FOXJ3: variants seen among roughly 807,000 people sequenced by gnomAD.
FOXJ3 encodes the protein forkhead box J3.
Under a neutral mutation model 76.1 loss-of-function variants are expected in FOXJ3, and 22 were observed. The observed-to-expected ratio is 0.29, with a 90% CI of 0.21 to 0.41. FOXJ3 has a LOEUF of 0.41. Ranked by LOEUF, FOXJ3 falls within the 10% of genes least tolerant of loss-of-function variation. FOXJ3 has a pLI of 1.00. For synonymous variants in FOXJ3, 269 were observed against 261.2 expected, an observed-to-expected ratio of 1.03 and a Z score of -0.29; for missense variants, 613 against 762.1, an observed-to-expected ratio of 0.80 and a Z score of 2.30.
intron 2 of FOXJ3, among the ~76,000 whole-genome samples, chr1:42,296,332 G>A (rs1303485231): frequency 6.6e-6 from 1 of 152,132 alleles, no homozygotes; most frequent in Non-Finnish European, 1.5e-5. Context: ...GTTTAATTAA[G>A]TCTCATTTGT....
chr1:42,237,685 T>C (rs1380796703), intron 4 of FOXJ3, among the ~76,000 whole-genome samples: 1 of 151,906 alleles, frequency 6.6e-6, no homozygotes, highest in Non-Finnish European at 1.5e-5. Context: ...ATATCTTTTT[T>C]TTTAAATTTG....
rs137887127 is a variant in FOXJ3, at chr1:42,196,672, G to A, written c.760-1608C>T. Among the ~76,000 whole-genome samples, 10 of 152,280 alleles carry A rather than the reference G, an allele frequency of 6.6e-5. No individual in the cohort carries two copies. In the East Asian group the frequency reaches 1.7e-3, roughly 26 times the overall value. ...CACACCATTGCACTTCAGTCTGGGC[G>A]ACAGAGAGAGACTCCATCTCAAAAA... On this transcript the variant is annotated intron_variant, in intron 7 of 12. Coordinates refer to ENST00000361346, the MANE Select transcript of FOXJ3 (RefSeq NM_014947.5).
chr1:42,204,687 C>T (rs1646826796), intron 6 of FOXJ3, among the ~76,000 whole-genome samples: 1 of 152,046 alleles, frequency 6.6e-6, no homozygotes, highest in Non-Finnish European at 1.5e-5. Flanking sequence ...CCTGGGATTA[C>T]CACCACTACC....
intron 3 of FOXJ3, among the ~76,000 whole-genome samples, chr1:42,269,989 C>G (rs1651752317): frequency 6.6e-6 from 1 of 152,150 alleles, no homozygotes; most frequent in African/African-American, 2.4e-5. Context: ...TACCCCTTAA[C>G]TTAAAAACTT....
At chr1:42,299,387 AT>A (rs992326574) in intron 2 of FOXJ3, among the ~76,000 whole-genome samples, 52 of 129,064 alleles carry the variant, frequency 4.0e-4, no homozygotes, top group African/African-American at 1.5e-3. Context: ...TTTTACTGTT[AT>A]TGGTTTGAAG....
chr1:42,187,791 T>C (rs1463359434), intron 11 of FOXJ3, among the ~76,000 whole-genome samples: 1 of 152,246 alleles, frequency 6.6e-6, no homozygotes, highest in Non-Finnish European at 1.5e-5. Flanking sequence ...TGTAATTTAC[T>C]GAATGAATAG....
At chr1:42,198,725 G>C (rs983638748) in intron 7 of FOXJ3, among the ~76,000 whole-genome samples, 1 of 152,154 alleles carries the variant, frequency 6.6e-6, no homozygotes, top group African/African-American at 2.4e-5. Flanking sequence ...TCCCTTCTCA[G>C]ATCTACAGCT....
intron 4 of FOXJ3, among the ~76,000 whole-genome samples, chr1:42,239,293 G>C (rs557108972): frequency 6.0e-5 from 9 of 150,136 alleles, no homozygotes; most frequent in African/African-American, 2.3e-4. Context: ...ACAGGATTTT[G>C]AATAAAAGTG....
chr1:42,316,336 T>TTTTTTTTTTG (rs1655108399), intron 1 of FOXJ3, among the ~76,000 whole-genome samples: 7 of 130,830 alleles, frequency 5.4e-5, no homozygotes, highest in African/African-American at 1.9e-4. Flanking sequence ...ATTGGGCCTT[T>TTTTTTTTTTG]TTTTTTTTTT....
At chr1:42,245,600 G>A (rs1649488363) in intron 4 of FOXJ3, among the ~76,000 whole-genome samples, 1 of 152,060 alleles carries the variant, frequency 6.6e-6, no homozygotes, top group South Asian at 2.1e-4. Flanking sequence ...TACGGAAAAA[G>A]CATTTGATAA....
chr1:42,240,956 G>T (rs180741409), intron 4 of FOXJ3, among the ~76,000 whole-genome samples: 1 of 152,292 alleles, frequency 6.6e-6, no homozygotes, highest in East Asian at 1.9e-4. Flanking sequence ...ATAGCAAGCA[G>T]ATAATCACAT....
chr1:42,322,931 G>GTT (rs1391584731), intron 1 of FOXJ3, among the ~76,000 whole-genome samples: 1 of 152,090 alleles, frequency 6.6e-6, no homozygotes, highest in Non-Finnish European at 1.5e-5. Context: ...TATTCTGAGG[G>GTT]TTTTTCGTTT....
At chr1:42,185,392 G>A (rs1343484113) in intron 11 of FOXJ3, among the ~76,000 whole-genome samples, 1 of 151,228 alleles carries the variant, frequency 6.6e-6, no homozygotes, top group African/African-American at 2.4e-5. Flanking sequence ...TGAGTAGCCG[G>A]GACTACAGGC....
At chr1:42,218,697 T>C (rs937123808) in intron 5 of FOXJ3, among the ~76,000 whole-genome samples, 1 of 152,218 alleles carries the variant, frequency 6.6e-6, no homozygotes, top group African/African-American at 2.4e-5. Flanking sequence ...ATCATGTCAC[T>C]ACTCTATTCA....
chr1:42,326,744 T>C lies in FOXJ3; in HGVS notation c.-18+8315A>G, dbSNP rs533984908. ...TTAACAAGGGGAGAAACCGCTCCCA[T>C]TGGTTTTATGTACTCTAAGTCTGAT... On this transcript the variant is annotated intron_variant, in intron 1 of 12. Transcript: ENST00000361346. Among the ~76,000 whole-genome samples the C allele has an allele frequency of 3.9e-5, 6 of 152,330 alleles. No homozygotes were observed. The East Asian group carries it at 7.7e-4, about 20-fold the overall frequency.
intron 2 of FOXJ3, among the ~76,000 whole-genome samples, chr1:42,287,371 TA>T (rs1047122127): frequency 6.6e-6 from 1 of 152,070 alleles, no homozygotes; most frequent in Non-Finnish European, 1.5e-5. Context: ...CAAGCTGATC[TA>T]AATTACCCTT....
chr1:42,192,695 T>A (rs980139755), intron 8 of FOXJ3, among the ~76,000 whole-genome samples: 1 of 152,200 alleles, frequency 6.6e-6, no homozygotes, highest in African/African-American at 2.4e-5. Context: ...ACTAGACTAT[T>A]TTCAAATCCT....
upstream of FOXJ3, chr1:42,335,557 C>T (rs554661535): frequency 1.1e-4 from 17 of 152,354 alleles, no homozygotes; most frequent in African/African-American, 4.1e-4. Context: ...CCACGGATAC[C>T]TGGGGCCCCA....
intron 7 of FOXJ3, among the ~76,000 whole-genome samples, chr1:42,197,654 A>C (rs1646677353): frequency 6.6e-6 from 1 of 151,934 alleles, no homozygotes; most frequent in Non-Finnish European, 1.5e-5. Context: ...ACAGTTGTTA[A>C]ACTATATTTT....
Sources: gnomAD v4.1 joint callset for allele counts (sites outside exome capture counted in the v4.1 genomes callset) on GRCh38, gnomAD v4.1.1 for gene constraint, MANE v1.5 for transcripts, NCBI Gene and HGNC (gene_info 2026-07-23, HGNC 2026-07-21) for gene names.